Variants in CDH13 observed in about 807,000 individuals in gnomAD.
The protein encoded by CDH13 is cadherin-13.
CDH13 carries 24 observed loss-of-function variants against 63.8 expected under a neutral mutation model. The ratio of observed to expected loss-of-function variants is 0.38; its 90% CI spans 0.27 to 0.53. The LOEUF is 0.53. CDH13 is among the 20% of genes least tolerant of loss of function. CDH13 has a pLI of 0.85. For missense variants in CDH13, 1,049 were observed against 903.1 expected (o/e 1.16, Z -2.07); for synonymous variants, 503 against 355.3 (o/e 1.42, Z -4.67).
chr16:83,776,416 T>C (rs879317690), intron 11 of CDH13, among the ~76,000 whole-genome samples: 1 of 152,232 alleles, frequency 6.6e-6, no homozygotes, highest in African/African-American at 2.4e-5. Flanking sequence ...TGCATTTCTT[T>C]TGAGTTTGCG....
chr16:83,174,305 C>G (rs980448870), intron 4 of CDH13, among the ~76,000 whole-genome samples: 8 of 152,128 alleles, frequency 5.3e-5, no homozygotes, highest in African/African-American at 1.9e-4. Context: ...AATAACACCA[C>G]TCAATGATGT....
chr16:83,771,398 T>C (rs946038867), intron 11 of CDH13, among the ~76,000 whole-genome samples: 18 of 152,192 alleles, frequency 1.2e-4, no homozygotes, highest in African/African-American at 4.1e-4. Flanking sequence ...GGAATCCATG[T>C]GGTCCTATCG....
intron 7 of CDH13, among the ~76,000 whole-genome samples, chr16:83,513,161 A>G (rs1427827842): frequency 6.6e-6 from 1 of 152,188 alleles, no homozygotes; most frequent in Non-Finnish European, 1.5e-5. Flanking sequence ...ATTTTGAAAC[A>G]AAATAAGTTG....
chr16:83,364,502 C>G (rs16960306), intron 6 of CDH13, among the ~76,000 whole-genome samples: 28,663 of 152,106 alleles, frequency 0.19, 3,133 homozygotes, highest in African/African-American at 0.28. Context: ...CACAACTTCC[C>G]TTCACATCTT....
At chr16:83,131,723 A>G (rs745657972) in intron 4 of CDH13, among the ~76,000 whole-genome samples, 16 of 152,194 alleles carry the variant, frequency 1.1e-4, no homozygotes, top group Non-Finnish European at 2.1e-4. Flanking sequence ...TGCTTTCATC[A>G]CAAACCCTTT....
intron 7 of CDH13, among the ~76,000 whole-genome samples, chr16:83,518,434 C>T (rs112612980): frequency 0.049 from 7,378 of 149,758 alleles, 597 homozygotes; most frequent in African/African-American, 0.17. Flanking sequence ...TGTGAGCCAC[C>T]GCGCCCGGCC....
chr16:83,531,139 C>A (rs1431543974), intron 7 of CDH13, among the ~76,000 whole-genome samples: 3 of 152,204 alleles, frequency 2.0e-5, no homozygotes, highest in Non-Finnish European at 4.4e-5. Flanking sequence ...GGTAGCACAT[C>A]CTCTTCTGGG....
At chr16:83,211,899 C>G (rs1597524683) in intron 4 of CDH13, among the ~76,000 whole-genome samples, 1 of 151,900 alleles carries the variant, frequency 6.6e-6, no homozygotes, top group Non-Finnish European at 1.5e-5. Flanking sequence ...TCCATTCCAA[C>G]TCAGAGGACA....
chr16:83,673,561 C>T (rs891950781), intron 9 of CDH13, among the ~76,000 whole-genome samples: 2 of 130,690 alleles, frequency 1.5e-5, no homozygotes, highest in Non-Finnish European at 3.1e-5. Context: ...CAGAGTGAGA[C>T]TCTGTCTCAA....
intron 5 of CDH13, among the ~76,000 whole-genome samples, chr16:83,223,378 C>T (rs997072493): frequency 2.6e-5 from 4 of 152,224 alleles, no homozygotes; most frequent in African/African-American, 9.6e-5. Flanking sequence ...CAAACCTACC[C>T]ATGAGGGTGG....
chr16:83,496,861 G>A (rs988030416), intron 7 of CDH13, among the ~76,000 whole-genome samples: 9 of 152,164 alleles, frequency 5.9e-5, no homozygotes, highest in Admixed American at 1.3e-4. Flanking sequence ...GACATGAACA[G>A]ACACTTCTCA....
chr16:83,102,965 T>TTTTTTTTTTTTTTTTTTTC (rs2034570357), intron 3 of CDH13, among the ~76,000 whole-genome samples: 5 of 107,830 alleles, frequency 4.6e-5, no homozygotes, highest in Non-Finnish European at 5.5e-5. Flanking sequence ...TTTTTTTTTT[T>TTTTTTTTTTTTTTTTTTTC]TTTTTGAGGT....
At chr16:83,065,611 A>G (rs1157367838) in intron 3 of CDH13, among the ~76,000 whole-genome samples, 1 of 151,972 alleles carries the variant, frequency 6.6e-6, no homozygotes, top group African/African-American at 2.4e-5. Flanking sequence ...AGGCTAAGGC[A>G]AGAGAATCAG....
At chr16:82,729,805 G>A (rs554183544) in intron 1 of CDH13, among the ~76,000 whole-genome samples, 5 of 152,234 alleles carry the variant, frequency 3.3e-5, no homozygotes, top group African/African-American at 4.8e-5. Flanking sequence ...TTATCTACAC[G>A]AAAAATCTGT....
At chr16:82,993,395 G>A (rs957262941) in intron 2 of CDH13, among the ~76,000 whole-genome samples, 2 of 151,986 alleles carry the variant, frequency 1.3e-5, no homozygotes, top group African/African-American at 2.4e-5. Flanking sequence ...AGTTACCACT[G>A]GCTTTTGACT....
intron 1 of CDH13, among the ~76,000 whole-genome samples, chr16:82,787,034 C>G (rs979976643): frequency 3.3e-5 from 5 of 152,130 alleles, no homozygotes; most frequent in East Asian, 1.9e-4. Flanking sequence ...CTTGGCTCTA[C>G]TTATTTGAAA....
At chr16:83,228,324 T>C (rs1362672195) in intron 5 of CDH13, among the ~76,000 whole-genome samples, 2 of 152,216 alleles carry the variant, frequency 1.3e-5, no homozygotes, top group Non-Finnish European at 2.9e-5. Flanking sequence ...CTCTGCAGGC[T>C]CCTTGCATGG....
intron 4 of CDH13, among the ~76,000 whole-genome samples, chr16:83,137,073 C>A (rs2036322210): frequency 6.6e-6 from 1 of 152,188 alleles, no homozygotes; most frequent in Admixed American, 6.5e-5. Flanking sequence ...TCAGGGGGCA[C>A]ATGGGTCCCA....
intron 6 of CDH13, among the ~76,000 whole-genome samples, chr16:83,412,859 C>G (rs2092148065): frequency 6.6e-6 from 1 of 152,314 alleles, no homozygotes; most frequent in East Asian, 1.9e-4. Flanking sequence ...ATTCCCAGAA[C>G]AGTAAACAGT....
Sources: allele counts gnomAD v4.1 joint callset (sites outside exome capture counted in the v4.1 genomes callset), GRCh38; gene constraint gnomAD v4.1.1; transcripts MANE v1.5; gene names NCBI Gene and HGNC (gene_info 2026-07-23, HGNC 2026-07-21).